The following CDH17 variants were observed in gnomAD, a reference collection of about 807,000 sequenced individuals.
CDH17 encodes the protein cadherin 17.
In CDH17, 67 loss-of-function variants were observed where a neutral mutation model predicts 86.3. That is an observed-to-expected ratio of 0.78 (90% CI 0.64 to 0.95). CDH17 has a LOEUF of 0.95. Ranked by LOEUF, CDH17 falls within the 40% of genes least tolerant of loss-of-function variation. The pLI is 0.00. For synonymous variants in CDH17, 367 were observed against 366.4 expected (o/e 1.00, Z -0.02); for missense variants, 993 against 1,017.6 (o/e 0.98, Z 0.33).
At position 94,173,854 on chromosome 8, in the gene CDH17, T is replaced by C; in HGVS notation, c.726A>G (p.Pro242=). The C allele has an allele frequency of 1.2e-6, 2 of 1,614,004 alleles. No individual in the cohort carries two copies. Among genetic ancestry groups the C allele is most frequent in the East Asian group, 2.2e-5 (1 of 44,862 alleles). Reference sequence around the variant, plus strand: ...AGTTTTCCACCATCTCCACAGGTTTTGGTGCTTTCCAAATATTCTCTGTCA... The same window carrying C: ...AGTTTTCCACCATCTCCACAGGTTTCGGTGCTTTCCAAATATTCTCTGTCA... ...IIVTENIWKA[P]KPVEMVENST... is the part of the protein sequence containing the mutation. Residue 242 remains proline, a synonymous_variant, in exon 7 of 18, where the codon CCA becomes CCG. Coordinates refer to ENST00000027335, the MANE Select transcript of CDH17 (RefSeq NM_004063.4).
At chr8:94,152,773 C>A (rs1391264395) in intron 12 of CDH17, among the ~76,000 whole-genome samples, 1 of 152,186 alleles carries the variant, frequency 6.6e-6, no homozygotes, top group Non-Finnish European at 1.5e-5. Context: ...CTGTTGAGGA[C>A]TTTGTGCTGT....
rs759212538 is a variant in CDH17, at chr8:94,146,166, C to T, written c.1929G>A (p.Gly643=). The T allele has an allele frequency of 6.6e-7, 1 of 1,508,920 alleles. No individual in the cohort carries two copies. The highest frequency in any genetic ancestry group is 2.4e-5 in the East Asian group (1 of 41,964). 93.5% of individuals were successfully genotyped at this position (1,508,920 alleles called of 1,614,324 possible). The part of the protein sequence containing the change: ...YRVQVVATEV[G]GSSLSSVSEF... ...CTGACACAGAGCTCAAGGAAGACCC[C>T]CCTAAGGAATTGAATGATTGAAACA... Residue 643 remains glycine, a splice_region_variant and synonymous_variant, in exon 15 of 18, where the codon GGG becomes GGA. Transcript: ENST00000027335.
At chr8:94,161,976 C>T in intron 11 of CDH17, 110 bp downstream of exon 11, 1 of 683,372 alleles carries the variant, frequency 1.5e-6, no homozygotes, top group Non-Finnish European at 2.6e-6. Context: ...ACCAAGGTTA[C>T]CTGTTAAGTC....
rs1244379043 is a variant in CDH17, at chr8:94,147,536, T to G, written c.1927+1208A>C. The stretch of plus-strand genomic sequence containing the variant: ...TCTAAAAACATATTTATTGAGTAAT[T>G]TGTTTAATTCTCTTTTTTGGTAAAC... On this transcript the variant is annotated intron_variant, in intron 14 of 17. Transcript: ENST00000027335. 4.6e-5 allele frequency among the ~76,000 whole-genome samples: 7 copies of G among 152,322 alleles called. No homozygotes were observed. The East Asian group carries it at 1.2e-3, about 25-fold the overall frequency.
intron 9 of CDH17, among the ~76,000 whole-genome samples, chr8:94,166,348 T>C (rs557116765): frequency 6.6e-6 from 1 of 152,194 alleles, no homozygotes; most frequent in South Asian, 2.1e-4. Flanking sequence ...AACCTCCCTA[T>C]GTCCACATTT....
At chr8:94,186,870 G>A (rs1323481507) in intron 3 of CDH17, among the ~76,000 whole-genome samples, 5 of 152,164 alleles carry the variant, frequency 3.3e-5, no homozygotes, top group South Asian at 2.1e-4. Flanking sequence ...AGTCCAGCCC[G>A]TGCTGACCTC....
At chr8:94,216,381 G>C (rs1335194633) in intron 1 of CDH17, among the ~76,000 whole-genome samples, 1 of 152,100 alleles carries the variant, frequency 6.6e-6, no homozygotes, top group South Asian at 2.1e-4. Context: ...CCCTGCTTGG[G>C]AGAGACCATC....
chr8:94,179,243 G>A (rs1385827086), intron 3 of CDH17, among the ~76,000 whole-genome samples: 1 of 151,954 alleles, frequency 6.6e-6, no homozygotes, highest in Non-Finnish European at 1.5e-5. Context: ...CATTTCCCTG[G>A]GAACATCTAC....
At position 94,177,679 on chromosome 8, in the gene CDH17, C is replaced by T. The variant is rs758924324; in HGVS notation, c.193G>A (p.Glu65Lys). The change falls in exon 4 of 18, where the codon GAG (glutamate) becomes AAG (lysine). Residue 65 changes from glutamate to lysine, a missense_variant. By Grantham distance (56) the Glu-to-Lys change is moderately conservative. Coordinates refer to ENST00000027335, the MANE Select transcript of CDH17 (RefSeq NM_004063.4). ...TCTATCACAAATATGTTGTCTGTCT[C>T]CCCAGTTAGTTCAAAAGTCACAGCA... Reference protein sequence around the residue: ...PPAVTFELTGETDNIFVIERE... With the variant: ...PPAVTFELTGKTDNIFVIERE... 1 of 1,613,730 alleles carries T rather than the reference C, an allele frequency of 6.2e-7. No individual in the cohort carries two copies. Among genetic ancestry groups the T allele is most frequent in the Non-Finnish European group, 8.5e-7 (1 of 1,179,768 alleles).
chr8:94,168,404 G>A (rs1405291390), intron 9 of CDH17, among the ~76,000 whole-genome samples: 1 of 150,112 alleles, frequency 6.7e-6, no homozygotes, highest in Non-Finnish European at 1.5e-5. Flanking sequence ...CTCCCAAAGT[G>A]CTGGGTGGGA....
chr8:94,178,319 A>T (rs1270818071), intron 3 of CDH17, among the ~76,000 whole-genome samples: 1 of 152,136 alleles, frequency 6.6e-6, no homozygotes, highest in Non-Finnish European at 1.5e-5. Context: ...GTTTTAGTAT[A>T]CTTTTATATA....
upstream of CDH17, among the ~76,000 whole-genome samples, chr8:94,209,732 TC>T (rs1386317604): frequency 6.6e-6 from 1 of 152,152 alleles, no homozygotes; most frequent in African/African-American, 2.4e-5. Flanking sequence ...CTTCTCACAT[TC>T]TTCACACCTC....
Position 94,199,197 on chromosome 8 carries a change from A to C in CDH17, c.-20-4492T>G, listed in dbSNP as rs377287611. Among the ~76,000 whole-genome samples the C allele has an allele frequency of 5.8e-4, 88 of 151,492 alleles. 2 individuals are homozygous for C. The South Asian group carries it at 0.016, about 28-fold the overall frequency. The stretch of plus-strand genomic sequence containing the variant: ...GGTCTCTTCATACTATCCCTTGCAT[A>C]TATCAAGCCATCATCAGATGTTGGG... On this transcript the variant is annotated intron_variant, in intron 1 of 17. Coordinates refer to ENST00000027335, the MANE Select transcript of CDH17 (RefSeq NM_004063.4).
intron 4 of CDH17, 73 bp from the exon 5 acceptor site, chr8:94,176,752 G>C: frequency 6.8e-7 from 1 of 1,473,068 alleles, no homozygotes; most frequent in Non-Finnish European, 9.2e-7. Flanking sequence ...TCACTTGAAG[G>C]AAATTAGAAC....
At chr8:94,139,950 A>G (rs1016974347) in intron 15 of CDH17, among the ~76,000 whole-genome samples, 4 of 152,178 alleles carry the variant, frequency 2.6e-5, no homozygotes, top group African/African-American at 9.6e-5. Context: ...ACTGAAAGAA[A>G]AAATGTCTAA....
chr8:94,190,388 G>C (rs1045721463), intron 2 of CDH17, among the ~76,000 whole-genome samples: 1 of 152,182 alleles, frequency 6.6e-6, no homozygotes, highest in African/African-American at 2.4e-5. Flanking sequence ...CAGAACATGG[G>C]GAGCATCACT....
chr8:94,195,008 T>C (rs981413010), intron 1 of CDH17, among the ~76,000 whole-genome samples: 1 of 152,214 alleles, frequency 6.6e-6, no homozygotes, highest in Non-Finnish European at 1.5e-5. Context: ...AGTGTTTGTT[T>C]TGGGGTTTTT....
chr8:94,142,751 A>G (rs1812664486), intron 15 of CDH17, among the ~76,000 whole-genome samples: 1 of 152,204 alleles, frequency 6.6e-6, no homozygotes, highest in Non-Finnish European at 1.5e-5. Context: ...AAAAACAAAC[A>G]AACAAACAAA....
At chr8:94,189,349 A>AT (rs1813642563) in intron 2 of CDH17, 64 bp from the exon 3 acceptor site, 1 of 1,163,638 alleles carries the variant, frequency 8.6e-7, no homozygotes, top group Non-Finnish European at 1.3e-6. Context: ...CATTGATTTT[A>AT]TTAGGGCTTC....
Sources: gnomAD v4.1 joint callset for allele counts (sites outside exome capture counted in the v4.1 genomes callset) on GRCh38, gnomAD v4.1.1 for gene constraint, MANE v1.5 for transcripts, NCBI Gene and HGNC (gene_info 2026-07-23, HGNC 2026-07-21) for gene names.